The following CFAP58 variants were observed in gnomAD, a reference collection of about 807,000 sequenced individuals.
CFAP58 encodes the protein cilia and flagella associated protein 58.
Under a neutral mutation model 119.5 loss-of-function variants are expected in CFAP58, and 88 were observed. The ratio of observed to expected loss-of-function variants is 0.74; its 90% CI spans 0.62 to 0.88. The LOEUF is 0.88. Among genes scored for constraint, CFAP58 ranks in the 40% least tolerant of loss-of-function variants. The probability of loss-of-function intolerance (pLI) is 0.00; values close to 1 mark genes in which losing one functional copy is unlikely to be tolerated. For missense variants in CFAP58, 990 were observed against 1,021.2 expected (o/e 0.97, Z 0.42); for synonymous variants, 365 against 366.3 (o/e 1.00, Z 0.04).
At chr10:104,403,012 A>G (rs1338785467) in intron 13 of CFAP58, among the ~76,000 whole-genome samples, 1 of 152,178 alleles carries the variant, frequency 6.6e-6, no homozygotes, top group Non-Finnish European at 1.5e-5. Flanking sequence ...CACTATAGAG[A>G]CATTCAGAAA....
At chr10:104,388,658 G>A (rs879767068) in intron 9 of CFAP58, among the ~76,000 whole-genome samples, 1 of 152,138 alleles carries the variant, frequency 6.6e-6, no homozygotes, top group African/African-American at 2.4e-5. Flanking sequence ...GAAGTTTATT[G>A]TACTGATATT....
the CFAP58 span, among the ~76,000 whole-genome samples, chr10:104,346,625 C>A: frequency 8.3e-6 from 1 of 120,596 alleles, no homozygotes; most frequent in African/African-American, 3.2e-5. Context: ...TGTATGGAGC[C>A]ATTTAGTCTT....
At chr10:104,439,699 T>C (rs934422575) in intron 15 of CFAP58, among the ~76,000 whole-genome samples, 9 of 110,318 alleles carry the variant, frequency 8.2e-5, no homozygotes, top group African/African-American at 3.3e-4. Flanking sequence ...AGTGAGACTC[T>C]GTCTTAACAA....
intron 15 of CFAP58, among the ~76,000 whole-genome samples, chr10:104,445,466 G>A (rs914933538): frequency 1.3e-5 from 2 of 152,164 alleles, no homozygotes; most frequent in African/African-American, 4.8e-5. Flanking sequence ...TTCTATTAGA[G>A]GACATGGCAG....
chr10:104,362,608 A>G (rs1165793666), intron 3 of CFAP58, among the ~76,000 whole-genome samples: 3 of 152,076 alleles, frequency 2.0e-5, no homozygotes, highest in East Asian at 3.9e-4. Context: ...TCTTAAAGCC[A>G]CTGTCTTGTT....
At chr10:104,400,945 G>T in intron 13 of CFAP58, 42 bp downstream of exon 13, 1 of 1,437,582 alleles carries the variant, frequency 7.0e-7, no homozygotes, top group Non-Finnish European at 9.7e-7. Context: ...ACAGTGCAAC[G>T]TGGGGAGCTC....
intron 15 of CFAP58, among the ~76,000 whole-genome samples, chr10:104,426,774 C>T (rs935616797): frequency 2.0e-5 from 3 of 152,110 alleles, no homozygotes; most frequent in African/African-American, 7.2e-5. Flanking sequence ...TTTTTGCATA[C>T]TTGTTTGTAT....
the CFAP58 span, among the ~76,000 whole-genome samples, chr10:104,341,420 A>G: frequency 3.3e-5 from 5 of 151,884 alleles, no homozygotes; most frequent in African/African-American, 4.8e-5. Flanking sequence ...AAGAGTATCA[A>G]ATAGTTATGG....
chr10:104,436,969 A>T (rs2012945561), intron 15 of CFAP58, among the ~76,000 whole-genome samples: 1 of 152,090 alleles, frequency 6.6e-6, no homozygotes, highest in Admixed American at 6.5e-5. Flanking sequence ...CTTACTCTCC[A>T]TTTGCTATAA....
chr10:104,419,960 TTC>T (rs1464122762), intron 15 of CFAP58, among the ~76,000 whole-genome samples: 5 of 152,262 alleles, frequency 3.3e-5, no homozygotes, highest in Admixed American at 1.3e-4. Context: ...AACTGGTACT[TTC>T]TGTCTTAATC....
intron 15 of CFAP58, among the ~76,000 whole-genome samples, chr10:104,407,779 C>T (rs2012388992): frequency 6.6e-6 from 1 of 152,182 alleles, no homozygotes; most frequent in South Asian, 2.1e-4. Context: ...TCACTGCAGC[C>T]TCTGCCTCCC....
At chr10:104,411,739 T>C (rs1474018836) in intron 15 of CFAP58, among the ~76,000 whole-genome samples, 1 of 151,798 alleles carries the variant, frequency 6.6e-6, no homozygotes, top group Non-Finnish European at 1.5e-5. Context: ...GATGAATGGA[T>C]ACAAATTCTT....
chr10:104,360,486 A>T (rs963309214), intron 2 of CFAP58, among the ~76,000 whole-genome samples: 20 of 151,924 alleles, frequency 1.3e-4, no homozygotes, highest in South Asian at 4.1e-4. Context: ...CACACTTTTT[A>T]AAAAAAACTT....
intron 7 of CFAP58, 41 bp downstream of exon 7, chr10:104,371,095 T>C: frequency 1.9e-6 from 3 of 1,562,432 alleles, no homozygotes; most frequent in South Asian, 1.2e-5. Flanking sequence ...AAACATTTTA[T>C]TGGTGACTGA....
intron 14 of CFAP58, 103 bp downstream of exon 14, chr10:104,403,943 C>A: frequency 1.6e-6 from 1 of 627,222 alleles, no homozygotes; most frequent in Non-Finnish European, 2.8e-6. Context: ...TTATTTAATG[C>A]TATGCAAATT....
chr10:104,363,783 T>G (rs768934996), intron 3 of CFAP58, among the ~76,000 whole-genome samples: 3 of 152,226 alleles, frequency 2.0e-5, no homozygotes, highest in Non-Finnish European at 4.4e-5. Context: ...TAAATATAGT[T>G]TGACAAATTA....
chr10:104,405,940 C>CA (rs1293193071), intron 14 of CFAP58, among the ~76,000 whole-genome samples: 1 of 152,016 alleles, frequency 6.6e-6, no homozygotes, highest in Non-Finnish European at 1.5e-5. Flanking sequence ...CCTGTCTTCA[C>CA]AAAAAAATTA....
At chr10:104,383,531 C>T (rs969159398) in intron 9 of CFAP58, among the ~76,000 whole-genome samples, 1 of 152,062 alleles carries the variant, frequency 6.6e-6, no homozygotes, top group Non-Finnish European at 1.5e-5. Flanking sequence ...TTTTTGTTAA[C>T]TGTTTTTCAC....
intron 3 of CFAP58, among the ~76,000 whole-genome samples, chr10:104,363,738 T>A (rs2014703303): frequency 6.6e-6 from 1 of 152,248 alleles, no homozygotes; most frequent in African/African-American, 2.4e-5. Flanking sequence ...GTTTAAAGTT[T>A]CCTTATTAAA....
Sources: allele counts gnomAD v4.1 joint callset (sites outside exome capture counted in the v4.1 genomes callset), GRCh38; gene constraint gnomAD v4.1.1; transcripts MANE v1.5; gene names NCBI Gene and HGNC (gene_info 2026-07-23, HGNC 2026-07-21).